KIF5A: variants seen among roughly 807,000 people sequenced by gnomAD.
KIF5A encodes kinesin heavy chain isoform 5A.
In KIF5A, 35 loss-of-function variants were observed where a neutral mutation model predicts 141.3. That is an observed-to-expected ratio of 0.25 (90% CI 0.19 to 0.33). KIF5A has a LOEUF of 0.33. KIF5A is among the 10% of genes least tolerant of loss of function. The pLI, the probability that KIF5A is intolerant of heterozygous loss-of-function variation, is 1.00. For synonymous variants in KIF5A, 448 were observed against 500.2 expected (o/e 0.90, Z 1.39); for missense variants, 861 against 1,314.3 (o/e 0.66, Z 5.33).
chr12:57,557,490 A>G (rs1472966735), intron 1 of KIF5A, among the ~76,000 whole-genome samples: 1 of 152,124 alleles, frequency 6.6e-6, no homozygotes, highest in Non-Finnish European at 1.5e-5. Context: ...AGAAGCTAAA[A>G]ATCACCCAAT....
intron 1 of KIF5A, among the ~76,000 whole-genome samples, chr12:57,551,963 C>T (rs1221113970): frequency 1.3e-5 from 2 of 151,952 alleles, no homozygotes; most frequent in South Asian, 2.1e-4. Flanking sequence ...TCAGGGACCT[C>T]GCTGGCCCTG....
rs113896323 is a variant in KIF5A at position 57,573,062 on chromosome 12, G to A, written c.1716+336G>A. Among the ~76,000 whole-genome samples the A allele has an allele frequency of 5.6e-3, 858 of 152,276 alleles. 6 individuals carry two copies. The highest frequency in any genetic ancestry group is 0.019 in the African/African-American group (806 of 41,560). ...AAAAATTAGCCAGGCGTGGTGATGT[G>A]CACCTGTAATTCCAGCTACTCAGGA... On this transcript the variant is annotated intron_variant, in intron 15 of 28. Transcript: ENST00000455537.
intron 1 of KIF5A, among the ~76,000 whole-genome samples, chr12:57,554,511 C>T (rs116844988): frequency 6.6e-6 from 1 of 152,172 alleles, no homozygotes; most frequent in Admixed American, 6.5e-5. Flanking sequence ...ACCTCCAGAT[C>T]CCAAGTATCT....
At chr12:57,553,113 C>T (rs1245450699) in intron 1 of KIF5A, among the ~76,000 whole-genome samples, 1 of 152,114 alleles carries the variant, frequency 6.6e-6, no homozygotes, top group African/African-American at 2.4e-5. Flanking sequence ...CACTCAGAAT[C>T]CAGTGTGACT....
At chr12:57,578,458 G>T in intron 23 of KIF5A, 116 bp downstream of exon 23, 1 of 742,730 alleles carries the variant, frequency 1.3e-6, no homozygotes. Flanking sequence ...CTTACTGTTC[G>T]CTTTTACTTT....
chr12:57,581,435 C>T lies in KIF5A; in HGVS notation c.2776C>T (p.His926Tyr). 2 of 1,614,046 alleles carry T rather than the reference C, an allele frequency of 1.2e-6. No individual in the cohort carries two copies. Among genetic ancestry groups the T allele is most frequent in the Non-Finnish European group, 1.7e-6 (2 of 1,180,012 alleles). Residue 926 changes from histidine (H) to tyrosine (Y), a missense_variant, in exon 25 of 29, where the codon CAC becomes TAC. Physicochemically the swap from His to Tyr is moderately conservative, Grantham distance 83 (BLOSUM62 2). Coordinates refer to ENST00000455537, the MANE Select transcript of KIF5A (RefSeq NM_004984.4). ...AQIAKPVRPG[H>Y]YPASSPTNPY... ...TGCAGCCAAACCCGTCCGGCCTGGC[C>T]ACTACCCAGCATCCTCACCCACCAA...
intron 6 of KIF5A, among the ~76,000 whole-genome samples, chr12:57,565,244 A>G (rs1882027833): frequency 1.3e-5 from 2 of 151,826 alleles, no homozygotes; most frequent in Non-Finnish European, 2.9e-5. Flanking sequence ...ATATAGTGAA[A>G]CCCCGTTTCT....
chr12:57,570,756 A>G (rs1433190119), intron 12 of KIF5A, among the ~76,000 whole-genome samples: 2 of 152,050 alleles, frequency 1.3e-5, no homozygotes, highest in Non-Finnish European at 2.9e-5. Context: ...CTTCATTAAT[A>G]ATTCTTCATA....
chr12:57,553,207 T>C (rs1329082877), intron 1 of KIF5A, among the ~76,000 whole-genome samples: 1 of 152,160 alleles, frequency 6.6e-6, no homozygotes, highest in Non-Finnish European at 1.5e-5. Flanking sequence ...TCTGGACTGC[T>C]GCATCTGTAC....
chr12:57,567,754 GGGTT>G (rs1882112999), intron 8 of KIF5A, 136 bp downstream of exon 8: 1 of 887,526 alleles, frequency 1.1e-6, no homozygotes, highest in Non-Finnish European at 1.6e-6. Flanking sequence ...TCCGCCTCCT[GGGTT>G]TAAGTGATTC....
chr12:57,558,057 T>G (rs1881797825), intron 1 of KIF5A, among the ~76,000 whole-genome samples: 1 of 152,244 alleles, frequency 6.6e-6, no homozygotes, highest in Admixed American at 6.5e-5. Context: ...CATATATACA[T>G]GCATACCTTT....
At position 57,570,056 on chromosome 12, in the gene KIF5A, A is replaced by C. The variant is rs1882198653; in HGVS notation, c.1187A>C (p.Glu396Ala). Reference protein sequence around the residue: ...EAALGAELCEETPVNDNSSIV... With the variant: ...EAALGAELCEATPVNDNSSIV... ...GCCCTGGGAGCCGAGCTCTGTGAGG[A>C]GACCCCTGTGAATGACAACTCATCC... The change falls in exon 12 of 29, where the codon GAG becomes GCG. Residue 396 changes from glutamate (E) to alanine (A), a missense_variant. Around this residue, in one of 5 missense-constraint regions of KIF5A, gnomAD observed 167 missense variants for 192.0 expected, o/e 0.87. Coordinates refer to ENST00000455537, the MANE Select transcript of KIF5A (RefSeq NM_004984.4). 1 of 1,614,074 alleles carries C rather than the reference A, an allele frequency of 6.2e-7. No individual in the cohort carries two copies. The highest frequency in any genetic ancestry group is 1.3e-5 in the African/African-American group (1 of 74,954).
At position 57,581,555 on chromosome 12, in the gene KIF5A, A is replaced by C. The variant is rs775853828; in HGVS notation, c.2896A>C (p.Thr966Pro). The C allele has an allele frequency of 6.2e-7, 1 of 1,613,954 alleles. No individual in the cohort carries two copies. Among genetic ancestry groups the C allele is most frequent in the Admixed American group, 1.7e-5 (1 of 59,996 alleles). ...NLYLQATPSS[T>P]SDMYFANSCT... ...CTACCTGCAGGCCACACCCAGCTCC[A>C]CCTCAGATATGTAGTGAGTGACCAC... Residue 966 changes from threonine (T) to proline (P), a missense_variant, in exon 25 of 29, where the codon ACC becomes CCC. Physicochemically the swap from Thr to Pro is conservative, Grantham distance 38. Around this residue, in one of 5 missense-constraint regions of KIF5A, gnomAD observed 482 missense variants for 661.3 expected, o/e 0.73. Transcript: ENST00000455537.
At chr12:57,582,392 A>G (rs142399563) in intron 26 of KIF5A, among the ~76,000 whole-genome samples, 1 of 152,212 alleles carries the variant, frequency 6.6e-6, no homozygotes, top group East Asian at 1.9e-4. Context: ...CTTGCCTTCC[A>G]GTTCCCTTTT....
chr12:57,582,054 T>G (rs763814121), intron 26 of KIF5A, 102 bp downstream of exon 26: 86 of 947,768 alleles, frequency 9.1e-5, no homozygotes, highest in Non-Finnish European at 1.3e-4. Context: ...TGACTGAACC[T>G]TTCTGGTGTG....
chr12:57,567,097 A>T (rs1200055207), intron 6 of KIF5A, 29 bp from the exon 7 acceptor site: 1 of 1,394,270 alleles, frequency 7.2e-7, no homozygotes, highest in Admixed American at 1.7e-5. Flanking sequence ...AACAAAGCTT[A>T]TGGGTCACTG....
chr12:57,582,091 A>G, intron 26 of KIF5A, 139 bp downstream of exon 26: 1 of 732,796 alleles, frequency 1.4e-6, no homozygotes, highest in Non-Finnish European at 2.4e-6. Flanking sequence ...AAAAAAAAAT[A>G]CATATAGCCA....
At chr12:57,552,406 C>G (rs1033668832) in intron 1 of KIF5A, among the ~76,000 whole-genome samples, 7 of 152,184 alleles carry the variant, frequency 4.6e-5, no homozygotes, top group Non-Finnish European at 8.8e-5. Context: ...GATTCCATCT[C>G]AGCTCCACAG....
intron 1 of KIF5A, among the ~76,000 whole-genome samples, chr12:57,555,943 A>G (rs1881726164): frequency 1.3e-5 from 2 of 151,554 alleles, no homozygotes; most frequent in South Asian, 4.1e-4. Context: ...AAGAAAGAAA[A>G]AAAAGAAAAA....
Sources: gnomAD v4.1 joint callset for allele counts (sites outside exome capture counted in the v4.1 genomes callset) on GRCh38, gnomAD v4.1.1 for gene constraint, gnomAD v4.1.1 regional missense constraint, MANE v1.5 for transcripts, NCBI Gene and HGNC (gene_info 2026-07-23, HGNC 2026-07-21) for gene names.